DIP2C: variants seen among roughly 807,000 people sequenced by gnomAD.
DIP2C encodes the protein disco-interacting protein 2 homolog C.
Under a neutral mutation model 192.4 loss-of-function variants are expected in DIP2C, and 33 were observed. The ratio of observed to expected loss-of-function variants is 0.17; its 90% CI spans 0.13 to 0.23. DIP2C has a LOEUF of 0.23. Ranked by LOEUF, DIP2C falls within the 10% of genes least tolerant of loss-of-function variation. DIP2C has a pLI of 1.00. For synonymous variants in DIP2C, 979 were observed against 864.1 expected (o/e 1.13, Z -2.33); for missense variants, 1,537 against 2,110.1 (o/e 0.73, Z 5.32).
chr10:409,293 G>A (rs1345454151), intron 8 of DIP2C, among the ~76,000 whole-genome samples: 1 of 151,840 alleles, frequency 6.6e-6, no homozygotes, highest in Admixed American at 6.6e-5. Context: ...CTTCTGATCT[G>A]TCTGTGATGT....
chr10:547,097 G>A (rs980674325), intron 1 of DIP2C, among the ~76,000 whole-genome samples: 15 of 152,150 alleles, frequency 9.9e-5, no homozygotes, highest in Non-Finnish European at 1.2e-4. Flanking sequence ...TCAAATCCTC[G>A]GAAGACGCAC....
intron 5 of DIP2C, among the ~76,000 whole-genome samples, chr10:420,162 C>T (rs960121957): frequency 3.9e-5 from 6 of 152,358 alleles, no homozygotes; most frequent in South Asian, 2.1e-4. Flanking sequence ...CTTCACCGGA[C>T]GCTGCCCATG....
chr10:298,542 G>A lies in DIP2C; in HGVS notation c.3987-10121C>T, dbSNP rs903222502. ...GCTCTCTTCTTGGCTTTTGAGATGCGACACTGCTGGCCTCATGGAGGGCAC... is the reference window on the plus strand; with the variant it reads ...GCTCTCTTCTTGGCTTTTGAGATGCAACACTGCTGGCCTCATGGAGGGCAC... On this transcript the variant is annotated intron_variant, in intron 32 of 36. Coordinates refer to ENST00000280886, the MANE Select transcript of DIP2C (RefSeq NM_014974.3). 6.6e-5 allele frequency among the ~76,000 whole-genome samples: 10 copies of A among 152,166 alleles called. 1 individual carries two copies. The highest frequency in any genetic ancestry group is 2.6e-4 in the Admixed American group (4 of 15,278).
At chr10:505,823 C>A (rs963572067) in intron 1 of DIP2C, among the ~76,000 whole-genome samples, 1 of 152,140 alleles carries the variant, frequency 6.6e-6, no homozygotes, top group Admixed American at 6.5e-5. Flanking sequence ...ATGGGGACCA[C>A]CTGCCCAGCC....
intron 7 of DIP2C, among the ~76,000 whole-genome samples, chr10:415,266 C>T (rs1265076638): frequency 1.3e-5 from 2 of 152,016 alleles, no homozygotes; most frequent in Non-Finnish European, 2.9e-5. Flanking sequence ...ACATAAGATA[C>T]TAAGGAGCTC....
rs144645251 is a variant in DIP2C, at chr10:504,995, T to G, written c.86-18465A>C. Among the ~76,000 whole-genome samples the G allele has an allele frequency of 1.3e-3, 196 of 152,260 alleles. 1 individual carries two copies. The highest frequency in any genetic ancestry group is 2.1e-3 in the Non-Finnish European group (143 of 68,010). On this transcript the variant is annotated intron_variant, in intron 1 of 36. Coordinates refer to ENST00000280886, the MANE Select transcript of DIP2C (RefSeq NM_014974.3). ...GTTCGTTCATTCATTCATTCATTCA[T>G]TCAGCAAAACCGCCGTGAACCCGCG...
Position 423,042 on chromosome 10 carries a change from G to T in DIP2C, c.395-9C>A, listed in dbSNP as rs774251457. ...TGAGCCAGAAGAGGTATCTGTGTAA[G>T]AAGAAAGGTGATTTGCTGTATGTTG... On this transcript the variant is annotated splice_polypyrimidine_tract_variant and intron_variant, in intron 4 of 36. Transcript: ENST00000280886. 1 of 1,587,582 alleles carries T rather than the reference G, an allele frequency of 6.3e-7. No homozygotes were observed. Among genetic ancestry groups the T allele is most frequent in the Admixed American group, 1.7e-5 (1 of 57,508 alleles).
intron 31 of DIP2C, among the ~76,000 whole-genome samples, chr10:316,590 G>T (rs1431638937): frequency 6.6e-6 from 1 of 152,224 alleles, no homozygotes; most frequent in Non-Finnish European, 1.5e-5. Flanking sequence ...TGTGAGTGGA[G>T]TTCCCACGGT....
chr10:305,518 A>G (rs1419644134), intron 32 of DIP2C, among the ~76,000 whole-genome samples: 2 of 152,200 alleles, frequency 1.3e-5, no homozygotes. Flanking sequence ...TTAATTTAGT[A>G]TCTATGCTTT....
At chr10:433,890 CTT>C (rs903924307) in intron 4 of DIP2C, among the ~76,000 whole-genome samples, 10 of 151,402 alleles carry the variant, frequency 6.6e-5, no homozygotes, top group Admixed American at 2.6e-4. Flanking sequence ...ATCTGTTGCC[CTT>C]TTGTCTTTTT....
At chr10:536,450 G>C (rs1588414428) in intron 1 of DIP2C, among the ~76,000 whole-genome samples, 1 of 151,958 alleles carries the variant, frequency 6.6e-6, no homozygotes, top group South Asian at 2.1e-4. Context: ...CCGGGGGCTA[G>C]AGTTGTATCT....
At chr10:670,200 A>G (rs112774072) in intron 1 of DIP2C, among the ~76,000 whole-genome samples, 3 of 152,166 alleles carry the variant, frequency 2.0e-5, no homozygotes, top group Admixed American at 6.5e-5. Context: ...ACATGTGTGC[A>G]CATGTATGCA....
chr10:656,411 G>A (rs1483817407), intron 1 of DIP2C, among the ~76,000 whole-genome samples: 2 of 152,158 alleles, frequency 1.3e-5, no homozygotes, highest in Middle Eastern at 3.4e-3. Flanking sequence ...ATCAGGCATC[G>A]CTTTACCATG....
At chr10:457,397 C>A (rs1288250060) in intron 3 of DIP2C, among the ~76,000 whole-genome samples, 1 of 152,124 alleles carries the variant, frequency 6.6e-6, no homozygotes, top group Non-Finnish European at 1.5e-5. Context: ...AATTTTGATT[C>A]ATCATTTTTC....
intron 32 of DIP2C, among the ~76,000 whole-genome samples, chr10:303,101 G>A (rs1240498414): frequency 1.3e-5 from 2 of 152,182 alleles, no homozygotes; most frequent in East Asian, 1.9e-4. Flanking sequence ...ATCACCGCAC[G>A]CGGCTGTAGA....
At chr10:481,027 G>A (rs1009983027) in intron 2 of DIP2C, among the ~76,000 whole-genome samples, 15 of 152,152 alleles carry the variant, frequency 9.9e-5, no homozygotes, top group Admixed American at 3.9e-4. Context: ...ACAGGTCCCC[G>A]GGACCCTCCA....
At chr10:606,829 A>T (rs1852521553) in intron 1 of DIP2C, among the ~76,000 whole-genome samples, 1 of 151,998 alleles carries the variant, frequency 6.6e-6, no homozygotes. Context: ...GACATCTGAC[A>T]TCTGGTGGGC....
chr10:359,288 C>T (rs924585319), intron 22 of DIP2C, among the ~76,000 whole-genome samples: 5 of 152,232 alleles, frequency 3.3e-5, no homozygotes, highest in African/African-American at 1.2e-4. Context: ...AGATGCACGG[C>T]CATCCTTTTC....
chr10:535,067 AC>A (rs964826958), intron 1 of DIP2C, among the ~76,000 whole-genome samples: 1 of 151,946 alleles, frequency 6.6e-6, no homozygotes, highest in Non-Finnish European at 1.5e-5. Context: ...GCAGGAACTG[AC>A]CCCTCTCTCC....
Sources: allele counts gnomAD v4.1 joint callset (sites outside exome capture counted in the v4.1 genomes callset), GRCh38; gene constraint gnomAD v4.1.1; transcripts MANE v1.5; gene names NCBI Gene and HGNC (gene_info 2026-07-23, HGNC 2026-07-21).